The following PAX3 variants were observed in gnomAD, a reference collection of about 807,000 sequenced individuals.
PAX3 encodes paired box 3.
Under a neutral mutation model 51.6 loss-of-function variants are expected in PAX3, and 14 were observed. The observed-to-expected ratio is 0.27, with a 90% confidence interval of 0.18 to 0.42. The LOEUF is 0.42. PAX3 is among the 10% of genes least tolerant of loss of function. PAX3 has a pLI of 1.00. For missense variants in PAX3, 540 were observed against 642.8 expected, an observed-to-expected ratio of 0.84 and a Z score of 1.73; for synonymous variants, 280 against 253.4, an observed-to-expected ratio of 1.11 and a Z score of -1.00.
rs991991128 is a variant in PAX3 at position 222,200,619 on chromosome 2, G to A, written c.*789C>T. On this transcript the variant is annotated 3_prime_UTR_variant, in exon 9 of 9. Coordinates refer to ENST00000392070, the MANE Select transcript of PAX3 (RefSeq NM_181458.4). ...GAATGCATGTCACTTTCTCTCCACC[G>A]TGCCCTTCCTCCAACCCAGGTGGGC... 12 of 247,402 alleles carry A rather than the reference G, an allele frequency of 4.9e-5. No individual in the cohort carries two copies. Among genetic ancestry groups the A allele is most frequent in the African/African-American group, 6.6e-5 (3 of 45,278 alleles). 15.3% of individuals were successfully genotyped at this position (247,402 alleles called of 1,614,324 possible).
At chr2:222,265,793 T>G (rs1284814045) in intron 4 of PAX3, among the ~76,000 whole-genome samples, 1 of 152,224 alleles carries the variant, frequency 6.6e-6, no homozygotes, top group Non-Finnish European at 1.5e-5. Context: ...ACGATGATGA[T>G]TTTGACTTCT....
chr2:222,253,786 G>A (rs1459217016), intron 4 of PAX3, among the ~76,000 whole-genome samples: 1 of 152,062 alleles, frequency 6.6e-6, no homozygotes, highest in African/African-American at 2.4e-5. Context: ...GAGTAGTTGA[G>A]TAGCTAGGAC....
chr2:222,231,477 A>T (rs1431213015), intron 5 of PAX3, among the ~76,000 whole-genome samples: 1 of 152,260 alleles, frequency 6.6e-6, no homozygotes, highest in African/African-American at 2.4e-5. Flanking sequence ...CATGTTCTTT[A>T]AGTAATATAA....
At chr2:222,204,319 A>G (rs1211018760) in intron 7 of PAX3, among the ~76,000 whole-genome samples, 1 of 152,196 alleles carries the variant, frequency 6.6e-6, no homozygotes, top group Non-Finnish European at 1.5e-5. Context: ...AACATAACTA[A>G]GAATGCATTT....
intron 4 of PAX3, among the ~76,000 whole-genome samples, chr2:222,268,054 G>T (rs1694113883): frequency 6.6e-6 from 1 of 152,168 alleles, no homozygotes. Flanking sequence ...TCAAAAAGCT[G>T]CATAACAGAT....
At position 222,219,794 on chromosome 2, in the gene PAX3, C is replaced by CA. The variant is rs576147003; in HGVS notation, c.1173+345dup. Among the ~76,000 whole-genome samples, 81 of 151,942 alleles carry CA rather than the reference C, an allele frequency of 5.3e-4. No individual in the cohort carries two copies. In the East Asian group the frequency reaches 7.1e-3, roughly 13 times the overall value. On this transcript the variant is annotated intron_variant, in intron 7 of 8. Transcript: ENST00000392070. ...TATCAATTTTAAATACAATTTAAAA[C>CA]AAAAAAACAAAACAAAAAACCTGCC...
intron 4 of PAX3, among the ~76,000 whole-genome samples, chr2:222,270,406 T>C (rs1694208425): frequency 6.6e-6 from 1 of 152,210 alleles, no homozygotes; most frequent in South Asian, 2.1e-4. Flanking sequence ...GGGAGGTCCT[T>C]GTTCAGATGT....
intron 4 of PAX3, among the ~76,000 whole-genome samples, chr2:222,286,628 C>T (rs1006854857): frequency 5.3e-5 from 8 of 152,194 alleles, no homozygotes; most frequent in African/African-American, 1.9e-4. Flanking sequence ...CTGTATGCAA[C>T]GTGCAAGGCA....
intron 4 of PAX3, among the ~76,000 whole-genome samples, chr2:222,282,605 G>A (rs1351714199): frequency 1.3e-5 from 2 of 151,992 alleles, no homozygotes; most frequent in African/African-American, 2.4e-5. Flanking sequence ...TTTTTCTTTT[G>A]TAAGTAAATA....
chr2:222,255,799 T>TTTTTA (rs1693616139), intron 4 of PAX3, among the ~76,000 whole-genome samples: 1 of 143,116 alleles, frequency 7.0e-6, no homozygotes, highest in African/African-American at 2.5e-5. Flanking sequence ...TTTTTTTTTT[T>TTTTTA]GAGACAGAGT....
intron 7 of PAX3, 118 bp downstream of exon 7, chr2:222,220,022 C>T: frequency 1.2e-6 from 1 of 868,794 alleles, no homozygotes; most frequent in Non-Finnish European, 1.9e-6. Flanking sequence ...AATCATGTGG[C>T]TTCTATAAAG....
intron 4 of PAX3, among the ~76,000 whole-genome samples, chr2:222,280,398 GAAAGAAAGAAAGAAA>G (rs368488384): frequency 4.9e-4 from 71 of 145,234 alleles, no homozygotes; most frequent in African/African-American, 1.7e-3. Context: ...GAAGGAAAAA[GAAAGAAAGAAAGAAA>G]AAAGAAAGAA....
At chr2:222,220,487 T>C in intron 6 of PAX3, 133 bp from the exon 7 acceptor site, 1 of 816,622 alleles carries the variant, frequency 1.2e-6, no homozygotes, top group Non-Finnish European at 2.1e-6. Flanking sequence ...TCAAACTGCG[T>C]TTCTTAACCT....
At chr2:222,266,445 CAG>C (rs1190179379) in intron 4 of PAX3, among the ~76,000 whole-genome samples, 2 of 151,772 alleles carry the variant, frequency 1.3e-5, no homozygotes, top group Admixed American at 1.3e-4. Flanking sequence ...CTACCAGCTG[CAG>C]AGTCACTAGA....
At chr2:222,221,498 G>T in intron 5 of PAX3, 111 bp from the exon 6 acceptor site, 1 of 988,154 alleles carries the variant, frequency 1.0e-6, no homozygotes, top group Non-Finnish European at 1.6e-6. Context: ...AGGGCAAATA[G>T]ATGCAAGAGT....
intron 4 of PAX3, chr2:222,262,405 C>T (rs987015706): frequency 6.6e-6 from 1 of 151,942 alleles, no homozygotes; most frequent in Non-Finnish European, 1.5e-5. Context: ...TTACTCAACC[C>T]CCCCTCACCA....
intron 4 of PAX3, chr2:222,263,623 G>A (rs572922333): frequency 6.6e-6 from 1 of 152,246 alleles, no homozygotes; most frequent in South Asian, 2.1e-4. Flanking sequence ...ACACTTCTAG[G>A]TATTTAGAGA....
intron 5 of PAX3, among the ~76,000 whole-genome samples, chr2:222,223,955 T>C (rs1213633010): frequency 6.6e-6 from 1 of 152,162 alleles, no homozygotes; most frequent in Non-Finnish European, 1.5e-5. Context: ...TACTATTGAC[T>C]CAAGGTTCAT....
intron 4 of PAX3, among the ~76,000 whole-genome samples, chr2:222,257,718 G>A (rs1338685062): frequency 6.6e-6 from 1 of 152,224 alleles, no homozygotes; most frequent in Non-Finnish European, 1.5e-5. Context: ...ATAAAGACTA[G>A]AGGGCCCTTC....
Sources: allele counts gnomAD v4.1 joint callset (sites outside exome capture counted in the v4.1 genomes callset), GRCh38; gene constraint gnomAD v4.1.1; transcripts MANE v1.5; gene names NCBI Gene and HGNC (gene_info 2026-07-23, HGNC 2026-07-21).